Variants in NDST4 observed in about 807,000 individuals in gnomAD.
NDST4 encodes N-deacetylase and N-sulfotransferase 4, also known as N-heparan sulfate sulfotransferase 4.
NDST4 carries 63 observed loss-of-function variants against 100.8 expected under a neutral mutation model. The ratio of observed to expected loss-of-function variants is 0.62; its 90% CI spans 0.51 to 0.77. The LOEUF is 0.77. NDST4 is among the 30% of genes least tolerant of loss of function. The pLI is 0.00. For synonymous variants in NDST4, 377 were observed against 361.8 expected, an observed-to-expected ratio of 1.04 and a Z score of -0.48; for missense variants, 943 against 1,018.4, an observed-to-expected ratio of 0.93 and a Z score of 1.01.
At chr4:115,017,736 G>A (rs1296756164) in intron 2 of NDST4, among the ~76,000 whole-genome samples, 1 of 151,852 alleles carries the variant, frequency 6.6e-6, no homozygotes, top group East Asian at 1.9e-4. Flanking sequence ...CAGTTATTTA[G>A]GAACAAAAAG....
intron 6 of NDST4, among the ~76,000 whole-genome samples, chr4:114,924,274 A>AT (rs1008813151): frequency 6.6e-6 from 1 of 152,088 alleles, no homozygotes; most frequent in Middle Eastern, 3.2e-3. Flanking sequence ...TCTGATCCTG[A>AT]TTTTCAGTGT....
intron 6 of NDST4, among the ~76,000 whole-genome samples, chr4:114,871,791 A>C (rs1426829072): frequency 1.3e-5 from 2 of 151,984 alleles, no homozygotes; most frequent in African/African-American, 2.4e-5. Flanking sequence ...ATTTCATGAT[A>C]TTTTCAAATT....
chr4:115,081,801 C>T (rs1276888253), intron 1 of NDST4, among the ~76,000 whole-genome samples: 2 of 152,148 alleles, frequency 1.3e-5, no homozygotes, highest in Non-Finnish European at 2.9e-5. Flanking sequence ...TGAGAGCTTT[C>T]CTTTCCCCAC....
chr4:114,977,710 G>T (rs1459849917), intron 2 of NDST4, among the ~76,000 whole-genome samples: 26 of 151,848 alleles, frequency 1.7e-4, no homozygotes, highest in Non-Finnish European at 4.4e-5. Flanking sequence ...ATTTAACTGG[G>T]CCACCTCCCT....
At chr4:114,962,428 C>T (rs1280770485) in intron 4 of NDST4, among the ~76,000 whole-genome samples, 1 of 151,928 alleles carries the variant, frequency 6.6e-6, no homozygotes, top group Non-Finnish European at 1.5e-5. Flanking sequence ...CACTGAAAAA[C>T]TCTAAAAATA....
In NDST4 at chr4:114,953,496, G is replaced by T. The variant is rs568005294; in HGVS notation, c.1222-15993C>A. 1.2e-4 allele frequency among the ~76,000 whole-genome samples: 18 copies of T among 152,234 alleles called. 1 individual carries two copies. In the South Asian group the frequency reaches 1.9e-3, roughly 16 times the overall value. On this transcript the variant is annotated intron_variant, in intron 4 of 13. Transcript: ENST00000264363. Reference sequence around the variant, plus strand: ...AAAACTCTAGGAACATAGTTTAGGAGCAAATAGTCCTTATAATATCAGCAG... The same window carrying T: ...AAAACTCTAGGAACATAGTTTAGGATCAAATAGTCCTTATAATATCAGCAG...
chr4:114,848,100 T>A (rs1723593368), intron 9 of NDST4, 115 bp downstream of exon 9: 4 of 856,734 alleles, frequency 4.7e-6, no homozygotes, highest in Non-Finnish European at 7.0e-6. Flanking sequence ...AATTTCTAAT[T>A]CACTGTGGTG....
At chr4:114,975,052 G>GT (rs1726599869) in intron 3 of NDST4, among the ~76,000 whole-genome samples, 1 of 150,574 alleles carries the variant, frequency 6.6e-6, no homozygotes, top group Non-Finnish European at 1.5e-5. Context: ...ATTTGCAATT[G>GT]TTTTTTCTAA....
chr4:114,883,218 G>C (rs924572692), intron 6 of NDST4, among the ~76,000 whole-genome samples: 1 of 151,934 alleles, frequency 6.6e-6, no homozygotes, highest in African/African-American at 2.4e-5. Flanking sequence ...TAATCTAAAA[G>C]ATAACTGTAT....
intron 4 of NDST4, among the ~76,000 whole-genome samples, chr4:114,963,268 T>C (rs1221137816): frequency 6.6e-6 from 1 of 152,166 alleles, no homozygotes; most frequent in Non-Finnish European, 1.5e-5. Flanking sequence ...AATGAAGTAC[T>C]GATATATGTT....
chr4:115,107,588 C>T (rs1198263126), intron 1 of NDST4, among the ~76,000 whole-genome samples: 3 of 151,970 alleles, frequency 2.0e-5, no homozygotes, highest in Admixed American at 6.6e-5. Flanking sequence ...CCAGTCCTAT[C>T]ACTTTCACAT....
At chr4:114,912,612 C>A (rs547060230) in intron 6 of NDST4, among the ~76,000 whole-genome samples, 1 of 152,240 alleles carries the variant, frequency 6.6e-6, no homozygotes, top group South Asian at 2.1e-4. Context: ...AGAAGTTTAG[C>A]AAGAACCTTG....
At chr4:114,971,415 T>A (rs980725075) in intron 3 of NDST4, among the ~76,000 whole-genome samples, 275 of 152,136 alleles carry the variant, frequency 1.8e-3, no homozygotes, top group African/African-American at 6.4e-3. Context: ...AAAACTTACT[T>A]CTAAGAGAAT....
intron 12 of NDST4, 90 bp from the exon 13 acceptor site, chr4:114,829,982 G>T: frequency 2.4e-6 from 2 of 843,544 alleles, no homozygotes; most frequent in South Asian, 1.5e-5. Flanking sequence ...ATGTATTTTT[G>T]TATGCCCACT....
At position 115,033,149 on chromosome 4, in the gene NDST4, ATATATATATT is replaced by A. The variant is rs1560574230; in HGVS notation, c.978+42900_978+42909del. On this transcript the variant is annotated intron_variant, in intron 2 of 13. Transcript: ENST00000264363. ...TATATGTGTATATATATATATATATATATATATATTTTTTTTTTTTTTGAAACAGGGTCTC... is the reference window on the plus strand; with the variant it reads ...TATATGTGTATATATATATATATATATTTTTTTTTTTTGAAACAGGGTCTC... Among the ~76,000 whole-genome samples the A allele has an allele frequency of 6.6e-3, 770 of 116,012 alleles. 6 individuals are homozygous for A. Among genetic ancestry groups the A allele is most frequent in the African/African-American group, 0.03 (740 of 25,006 alleles). 76.1% of individuals were successfully genotyped at this position (116,012 alleles called of 152,430 possible). A position where few individuals can be genotyped will look rare whatever the true frequency, so the allele number is the denominator to read the frequency against.
intron 2 of NDST4, among the ~76,000 whole-genome samples, chr4:115,044,174 G>A (rs766616196): frequency 1.3e-5 from 2 of 152,036 alleles, no homozygotes; most frequent in Admixed American, 1.3e-4. Context: ...ATCTAGGTAG[G>A]GACTGATCCT....
chr4:114,970,373 T>C (rs1357049057), intron 4 of NDST4, 57 bp downstream of exon 4: 3 of 1,491,694 alleles, frequency 2.0e-6, no homozygotes, highest in Non-Finnish European at 2.8e-6. Context: ...AATTTTACAC[T>C]TCCACCACAA....
intron 2 of NDST4, among the ~76,000 whole-genome samples, chr4:115,074,808 C>T (rs1729146664): frequency 6.6e-6 from 1 of 152,118 alleles, no homozygotes; most frequent in Non-Finnish European, 1.5e-5. Flanking sequence ...AACACTTTAA[C>T]AGAAGATCCA....
At chr4:115,099,825 T>A (rs1219358793) in intron 1 of NDST4, among the ~76,000 whole-genome samples, 1 of 152,152 alleles carries the variant, frequency 6.6e-6, no homozygotes, top group Non-Finnish European at 1.5e-5. Flanking sequence ...CTCAATGAGT[T>A]AAAAAATTTA....
Sources: allele counts gnomAD v4.1 joint callset (sites outside exome capture counted in the v4.1 genomes callset), GRCh38; gene constraint gnomAD v4.1.1; transcripts MANE v1.5; gene names NCBI Gene and HGNC (gene_info 2026-07-23, HGNC 2026-07-21).